Variants in SAMD3 observed in about 807,000 individuals in gnomAD.
SAMD3 encodes sterile alpha motif domain containing 3.
SAMD3 carries 63 observed loss-of-function variants against 58.5 expected under a neutral mutation model. The observed-to-expected ratio is 1.08, with a 90% CI of 0.88 to 1.33. The LOEUF (loss-of-function observed/expected upper bound fraction) is 1.33. Among genes scored for constraint, SAMD3 ranks in the 40% most tolerant of loss-of-function variants. The pLI, the probability that SAMD3 is intolerant of heterozygous loss-of-function variation, is 0.00. For synonymous variants in SAMD3, 220 were observed against 210.3 expected (o/e 1.05, Z -0.40); for missense variants, 604 against 608.4 (o/e 0.99, Z 0.08).
At chr6:130,211,864 A>G (rs575173655) in intron 4 of SAMD3, among the ~76,000 whole-genome samples, 16 of 150,884 alleles carry the variant, frequency 1.1e-4, no homozygotes, top group African/African-American at 3.7e-4. Context: ...ATCACTAGCC[A>G]TTAAAGGGAA....
At chr6:130,277,903 A>G (rs1175443083) in intron 2 of SAMD3, among the ~76,000 whole-genome samples, 1 of 152,204 alleles carries the variant, frequency 6.6e-6, no homozygotes, top group African/African-American at 2.4e-5. Context: ...AGTTTGAAAC[A>G]AAGATGGTAA....
intron 1 of SAMD3, among the ~76,000 whole-genome samples, chr6:130,346,219 T>G (rs1253718391): frequency 6.6e-6 from 1 of 152,078 alleles, no homozygotes; most frequent in Non-Finnish European, 1.5e-5. Flanking sequence ...TGTCAGACAG[T>G]GGGTGCAGGA....
At chr6:130,188,126 T>C (rs948760001) in intron 5 of SAMD3, among the ~76,000 whole-genome samples, 6 of 152,250 alleles carry the variant, frequency 3.9e-5, no homozygotes, top group Admixed American at 1.3e-4. Flanking sequence ...AAAAGCTAAC[T>C]GACTCTCCAA....
At chr6:130,324,574 T>C (rs1297073064) in intron 1 of SAMD3, among the ~76,000 whole-genome samples, 2 of 152,228 alleles carry the variant, frequency 1.3e-5, no homozygotes. Context: ...ATCAGCTTAC[T>C]CTACTTTCTT....
chr6:130,237,434 T>G (rs1773200983), intron 2 of SAMD3, among the ~76,000 whole-genome samples: 1 of 152,198 alleles, frequency 6.6e-6, no homozygotes, highest in African/African-American at 2.4e-5. Context: ...TTTGAATTGA[T>G]CTAAATTTCT....
At chr6:130,308,765 C>A (rs1776037698) in intron 2 of SAMD3, among the ~76,000 whole-genome samples, 1 of 152,026 alleles carries the variant, frequency 6.6e-6, no homozygotes, top group African/African-American at 2.4e-5. Flanking sequence ...TTTTGACCTA[C>A]CTCCACATAA....
At chr6:130,207,173 G>GA (rs886600041) in intron 5 of SAMD3, among the ~76,000 whole-genome samples, 2 of 86,926 alleles carry the variant, frequency 2.3e-5, no homozygotes, top group South Asian at 3.1e-4. Flanking sequence ...AAAAAAAAAA[G>GA]AAAAAAAAGA....
chr6:130,188,129 C>T (rs1793173861), intron 5 of SAMD3, among the ~76,000 whole-genome samples: 1 of 152,190 alleles, frequency 6.6e-6, no homozygotes. Flanking sequence ...AGCTAACTGA[C>T]TCTCCAACAT....
intron 2 of SAMD3, among the ~76,000 whole-genome samples, chr6:130,268,252 C>T (rs1177335282): frequency 6.6e-6 from 1 of 151,744 alleles, no homozygotes; most frequent in Admixed American, 6.6e-5. Context: ...ACTAAGGATA[C>T]AAGAAAGAAA....
intron 7 of SAMD3, 151 bp downstream of exon 7, chr6:130,183,952 G>A: frequency 1.6e-6 from 1 of 636,434 alleles, no homozygotes; most frequent in Non-Finnish European, 2.8e-6. Context: ...CAGAAAAACA[G>A]AAACAGATAG....
chr6:130,339,773 TACTTCAC>T (rs1777214977), intron 1 of SAMD3, among the ~76,000 whole-genome samples: 2 of 152,224 alleles, frequency 1.3e-5, no homozygotes, highest in Non-Finnish European at 2.9e-5. Context: ...TTGCAAGAAT[TACTTCAC>T]ACTCTTACCT....
intron 1 of SAMD3, among the ~76,000 whole-genome samples, chr6:130,343,380 CA>C (rs1173032171): frequency 3.9e-5 from 6 of 152,146 alleles, no homozygotes; most frequent in Admixed American, 3.9e-4. Context: ...CATACTGATG[CA>C]TGGGTGAGAA....
At chr6:130,323,897 T>C (rs1554275125) in intron 1 of SAMD3, among the ~76,000 whole-genome samples, 2 of 151,730 alleles carry the variant, frequency 1.3e-5, no homozygotes, top group Non-Finnish European at 1.5e-5. Context: ...TTCATTAGTG[T>C]CTTTTAAGTG....
chr6:130,169,771 C>G (rs17058447), intron 8 of SAMD3, among the ~76,000 whole-genome samples: 6,230 of 152,278 alleles, frequency 0.041, 432 homozygotes, highest in African/African-American at 0.14. Flanking sequence ...TGTGTCAACA[C>G]AAGAGGTGGG....
At chr6:130,224,423 G>A (rs1041846729), upstream of SAMD3, among the ~76,000 whole-genome samples, 19 of 151,126 alleles carry the variant, frequency 1.3e-4, no homozygotes, top group Admixed American at 9.8e-4. Context: ...TTCCCTGCCC[G>A]CCTCCCGTAT....
intron 11 of SAMD3, 71 bp downstream of exon 11, chr6:130,145,269 T>TAA: frequency 1.4e-6 from 1 of 727,112 alleles, no homozygotes; most frequent in African/African-American, 1.8e-5. Context: ...AAAATATAAG[T>TAA]AAATAAATAA....
chr6:130,233,863 G>A (rs1796612785), intron 2 of SAMD3, among the ~76,000 whole-genome samples: 1 of 152,168 alleles, frequency 6.6e-6, no homozygotes, highest in South Asian at 2.1e-4. Flanking sequence ...TTTAAAAAGT[G>A]GGGTTTATGG....
At chr6:130,183,391 G>A (rs2114703538) in intron 7 of SAMD3, 1 of 454,488 alleles carries the variant, frequency 2.2e-6, no homozygotes, top group African/African-American at 2.0e-5. Context: ...AGCATCCTGA[G>A]GGTCTGTTTT....
chr6:130,234,765 A>G (rs561628951), intron 2 of SAMD3, among the ~76,000 whole-genome samples: 21 of 152,322 alleles, frequency 1.4e-4, no homozygotes, highest in African/African-American at 5.1e-4. Flanking sequence ...ATTGAAAACT[A>G]GTTTTTCTTT....
Sources: allele counts gnomAD v4.1 joint callset (sites outside exome capture counted in the v4.1 genomes callset), GRCh38; gene constraint gnomAD v4.1.1; transcripts MANE v1.5; gene names NCBI Gene and HGNC (gene_info 2026-07-23, HGNC 2026-07-21).